XPO1: variants seen among roughly 807,000 people sequenced by gnomAD.
The protein encoded by XPO1 is exportin-1.
Under a neutral mutation model 133.3 loss-of-function variants are expected in XPO1, and 5 were observed. The observed-to-expected ratio is 0.04, with a 90% CI of 0.02 to 0.08. The LOEUF (loss-of-function observed/expected upper bound fraction) is 0.08. Ranked by LOEUF, XPO1 falls within the 10% of genes least tolerant of loss-of-function variation. The probability of loss-of-function intolerance (pLI) is 1.00; values close to 1 mark genes in which losing one functional copy is unlikely to be tolerated. For synonymous variants in XPO1, 419 were observed against 408.2 expected, an observed-to-expected ratio of 1.03 and a Z score of -0.32; for missense variants, 506 against 1,267.5, an observed-to-expected ratio of 0.40 and a Z score of 9.12.
chr2:61,510,937 CAAAAAAA>C (rs1163597698), intron 4 of XPO1, among the ~76,000 whole-genome samples: 3 of 61,246 alleles, frequency 4.9e-5, no homozygotes, highest in Admixed American at 3.9e-4. Flanking sequence ...GACCTTATCT[CAAAAAAA>C]AAAAAAAAAA....
chr2:61,518,326 G>A (rs2104702399), intron 4 of XPO1, among the ~76,000 whole-genome samples: 1 of 151,860 alleles, frequency 6.6e-6, no homozygotes, highest in Non-Finnish European at 1.5e-5. Context: ...GCCGAGGCAG[G>A]CGGATGACGA....
At chr2:61,483,274 G>C (rs1320514449) in intron 21 of XPO1, 183 bp from the exon 22 acceptor site, 3 of 555,960 alleles carry the variant, frequency 5.4e-6, no homozygotes, top group Non-Finnish European at 9.0e-6. Context: ...TCCAATGCTG[G>C]CTTACTTATA....
intron 3 of XPO1, among the ~76,000 whole-genome samples, chr2:61,524,067 G>A (rs1291098648): frequency 1.3e-5 from 2 of 152,134 alleles, no homozygotes; most frequent in East Asian, 3.8e-4. Flanking sequence ...AAAAAAAAGA[G>A]AGTTGTCCAA....
At chr2:61,488,547 T>C in intron 18 of XPO1, 41 bp downstream of exon 18, 4 of 1,569,298 alleles carry the variant, frequency 2.5e-6, no homozygotes, top group Non-Finnish European at 3.5e-6. Flanking sequence ...AGAGAAGTGG[T>C]TTGTTTATAC....
At chr2:61,512,652 T>C (rs1698150194) in intron 4 of XPO1, among the ~76,000 whole-genome samples, 1 of 152,352 alleles carries the variant, frequency 6.6e-6, no homozygotes, top group South Asian at 2.1e-4. Flanking sequence ...GCAATCTCAA[T>C]AAAAATTTCA....
chr2:61,480,869 T>C (rs1349198925), intron 24 of XPO1, among the ~76,000 whole-genome samples: 1 of 152,016 alleles, frequency 6.6e-6, no homozygotes, highest in Non-Finnish European at 1.5e-5. Flanking sequence ...CTAACAAAAT[T>C]GGTATAAAAT....
chr2:61,478,657 GAT>G lies in XPO1; in HGVS notation c.*161_*162del. The G allele has an allele frequency of 1.5e-6, 1 of 648,646 alleles. No individual in the cohort carries two copies. 40.2% of individuals were successfully genotyped at this position (648,646 alleles called of 1,614,324 possible). A position where few individuals can be genotyped will look rare whatever the true frequency, so the allele number is the denominator to read the frequency against. ...AAAACAAAAGCTTAAACAATGGAAG[GAT>G]ATTTCACAGAAAATTTCTTATACAA... On this transcript the variant is annotated 3_prime_UTR_variant, in exon 25 of 25. Coordinates refer to ENST00000401558, the MANE Select transcript of XPO1 (RefSeq NM_003400.4).
At chr2:61,535,237 C>T (rs150751142) in intron 1 of XPO1, among the ~76,000 whole-genome samples, 8 of 152,290 alleles carry the variant, frequency 5.3e-5, no homozygotes, top group African/African-American at 1.9e-4. Context: ...GTCAGTAGTC[C>T]TTAACCTTTT....
intron 4 of XPO1, among the ~76,000 whole-genome samples, chr2:61,514,742 C>A (rs982235264): frequency 6.6e-6 from 1 of 151,926 alleles, no homozygotes; most frequent in Non-Finnish European, 1.5e-5. Context: ...ACTGACATGA[C>A]CACTTTGGAA....
chr2:61,517,868 T>C (rs1455308411), intron 4 of XPO1, among the ~76,000 whole-genome samples: 1 of 151,958 alleles, frequency 6.6e-6, no homozygotes, highest in Non-Finnish European at 1.5e-5. Context: ...ATGCAATGGC[T>C]CACGCCTATA....
At chr2:61,529,591 G>A (rs1207400235) in intron 2 of XPO1, among the ~76,000 whole-genome samples, 1 of 152,006 alleles carries the variant, frequency 6.6e-6, no homozygotes, top group Non-Finnish European at 1.5e-5. Flanking sequence ...GGACCCGGAA[G>A]GCGGAGGTTG....
At chr2:61,522,076 A>C (rs1465788620) in intron 4 of XPO1, among the ~76,000 whole-genome samples, 2 of 150,046 alleles carry the variant, frequency 1.3e-5, no homozygotes, top group Admixed American at 6.7e-5. Flanking sequence ...ATTTATATAT[A>C]TGTTTTTTTG....
chr2:61,505,332 T>C (rs1224336324), intron 4 of XPO1, among the ~76,000 whole-genome samples: 1 of 152,156 alleles, frequency 6.6e-6, no homozygotes, highest in African/African-American at 2.4e-5. Context: ...AAATCAATTT[T>C]CCTTTTAAAT....
chr2:61,482,292 C>T (rs1252516739), intron 23 of XPO1, 88 bp downstream of exon 23: 4 of 1,299,368 alleles, frequency 3.1e-6, no homozygotes, highest in African/African-American at 1.5e-5. Context: ...AATCCTCCCA[C>T]CTTAGGCTTC....
chr2:61,495,992 A>C (rs2104464068), intron 10 of XPO1, among the ~76,000 whole-genome samples: 1 of 152,134 alleles, frequency 6.6e-6, no homozygotes, highest in Middle Eastern at 3.4e-3. Flanking sequence ...TTAAGCCCTA[A>C]TATCCCAACA....
chr2:61,517,477 T>C (rs1373696800), intron 4 of XPO1, among the ~76,000 whole-genome samples: 2 of 152,112 alleles, frequency 1.3e-5, no homozygotes, highest in Non-Finnish European at 2.9e-5. Context: ...CCTAGCTATT[T>C]TGGCAGGCTA....
At chr2:61,493,859 CAACAGGAAG>C in intron 12 of XPO1, 26 bp downstream of exon 12, 1 of 1,608,026 alleles carries the variant, frequency 6.2e-7, no homozygotes, top group Non-Finnish European at 8.5e-7. Context: ...CCACAGTATG[CAACAGGAAG>C]AACACTCAAC....
In XPO1 at chr2:61,501,063, A is replaced by C. The variant is rs1697490225; in HGVS notation, c.408+933T>G. Among the ~76,000 whole-genome samples the C allele has an allele frequency of 2.6e-5, 4 of 152,192 alleles. No homozygotes were observed. In the South Asian group the frequency reaches 8.3e-4, roughly 31 times the overall value. On this transcript the variant is annotated intron_variant, in intron 6 of 24. Coordinates refer to ENST00000401558, the MANE Select transcript of XPO1 (RefSeq NM_003400.4). ...CACACAAGGGATTTTTCAGATTATA[A>C]AAATACATGTTAACCTTCTTTATAT... is the stretch of plus-strand genomic sequence containing the variant.
chr2:61,523,049 C>G (rs569039886), intron 3 of XPO1, among the ~76,000 whole-genome samples: 1 of 152,182 alleles, frequency 6.6e-6, no homozygotes, highest in Non-Finnish European at 1.5e-5. Context: ...TACTTTAACA[C>G]GAACAGGCTC....
Sources: gnomAD v4.1 joint callset for allele counts (sites outside exome capture counted in the v4.1 genomes callset) on GRCh38, gnomAD v4.1.1 for gene constraint, MANE v1.5 for transcripts, NCBI Gene and HGNC (gene_info 2026-07-23, HGNC 2026-07-21) for gene names.